HHAT: variants seen among roughly 807,000 people sequenced by gnomAD.
The protein encoded by HHAT is hedgehog acyltransferase.
Under a neutral mutation model 70.8 loss-of-function variants are expected in HHAT, and 47 were observed. The ratio of observed to expected loss-of-function variants is 0.66; its 90% CI spans 0.53 to 0.85. The LOEUF is 0.85. Among genes scored for constraint, HHAT ranks in the 40% least tolerant of loss-of-function variants. The pLI is 0.00. For synonymous variants in HHAT, 228 were observed against 247.6 expected (o/e 0.92, Z 0.74); for missense variants, 609 against 604.8 (o/e 1.01, Z -0.07).
chr1:210,581,260 T>C (rs1201883570), intron 9 of HHAT, among the ~76,000 whole-genome samples: 2 of 152,208 alleles, frequency 1.3e-5, no homozygotes, highest in African/African-American at 4.8e-5. Flanking sequence ...TGAAAACTTT[T>C]TATAAGTAGA....
chr1:210,399,776 A>G (rs576724279), intron 4 of HHAT, among the ~76,000 whole-genome samples: 1 of 152,338 alleles, frequency 6.6e-6, no homozygotes, highest in South Asian at 2.1e-4. Context: ...ATTCAATGTG[A>G]TAACTATAAA....
chr1:210,526,367 G>GTTTTGTTTTGTTTTGTTTTGTTT, intron 9 of HHAT, among the ~76,000 whole-genome samples: 1 of 142,336 alleles, frequency 7.0e-6, no homozygotes, highest in Admixed American at 7.1e-5. Context: ...AGTGGGTTCT[G>GTTTTGTTTTGTTTTGTTTTGTTT]TTTTTTTTTT....
chr1:210,503,145 A>T (rs1416939387), intron 8 of HHAT, among the ~76,000 whole-genome samples: 1 of 152,154 alleles, frequency 6.6e-6, no homozygotes, highest in African/African-American at 2.4e-5. Context: ...TTTTTGGTAG[A>T]GACAGGGTTT....
At chr1:210,378,086 TC>T (rs2090364745) in intron 3 of HHAT, among the ~76,000 whole-genome samples, 1 of 152,208 alleles carries the variant, frequency 6.6e-6, no homozygotes, top group African/African-American at 2.4e-5. Context: ...AGAAAACTCT[TC>T]CAATAATTGC....
At chr1:210,568,592 C>A (rs779437526) in intron 9 of HHAT, among the ~76,000 whole-genome samples, 2 of 152,140 alleles carry the variant, frequency 1.3e-5, no homozygotes, top group Non-Finnish European at 2.9e-5. Context: ...GGAACATACC[C>A]AAGCATAGGG....
intron 9 of HHAT, among the ~76,000 whole-genome samples, chr1:210,530,076 G>T (rs2095298460): frequency 6.6e-6 from 1 of 152,166 alleles, no homozygotes; most frequent in South Asian, 2.1e-4. Context: ...TGGTTGTGCT[G>T]CCAGTTCAAA....
chr1:210,372,959 A>G (rs1035246286), intron 3 of HHAT, among the ~76,000 whole-genome samples: 1 of 152,166 alleles, frequency 6.6e-6, no homozygotes, highest in Admixed American at 6.5e-5. Flanking sequence ...TTTCATTACT[A>G]AAATATTTAT....
In HHAT at chr1:210,444,678, C is replaced by G. The variant is rs573582455; in HGVS notation, c.857-19827C>G. 5.3e-5 allele frequency among the ~76,000 whole-genome samples: 8 copies of G among 152,190 alleles called. No individual in the cohort carries two copies. In the South Asian group the frequency reaches 1.7e-3, roughly 32 times the overall value. Reference sequence around the variant, plus strand: ...TCTGATGGTAGTTTGTATTTCTGCACACACACACATTTTTAAATAGAGACT... The same window carrying G: ...TCTGATGGTAGTTTGTATTTCTGCAGACACACACATTTTTAAATAGAGACT... On this transcript the variant is annotated intron_variant, in intron 7 of 11. Coordinates refer to ENST00000261458, the MANE Select transcript of HHAT (RefSeq NM_018194.6).
intron 9 of HHAT, among the ~76,000 whole-genome samples, chr1:210,583,947 A>ATTT (rs371722219): frequency 0.59 from 52,219 of 89,102 alleles, 16,360 homozygotes; most frequent in South Asian, 0.73. Flanking sequence ...AGTGCAGCTA[A>ATTT]TTTTTTTTTT....
chr1:210,627,888 T>C (rs1573849041), intron 11 of HHAT, among the ~76,000 whole-genome samples: 1 of 152,270 alleles, frequency 6.6e-6, no homozygotes, highest in Non-Finnish European at 1.5e-5. Context: ...CAAATGCTGT[T>C]CTAGGAGGAA....
intron 8 of HHAT, among the ~76,000 whole-genome samples, chr1:210,472,545 A>G (rs918405432): frequency 6.6e-6 from 1 of 152,178 alleles, no homozygotes; most frequent in Non-Finnish European, 1.5e-5. Context: ...GAGAATGACT[A>G]TGGCTTACAT....
At chr1:210,396,682 A>C (rs1302699519) in intron 4 of HHAT, among the ~76,000 whole-genome samples, 1 of 152,218 alleles carries the variant, frequency 6.6e-6, no homozygotes, top group Admixed American at 6.5e-5. Flanking sequence ...CCACATTGCA[A>C]ACAGCCTAGA....
chr1:210,582,725 A>G (rs1320890801), intron 9 of HHAT, among the ~76,000 whole-genome samples: 1 of 152,170 alleles, frequency 6.6e-6, no homozygotes, highest in African/African-American at 2.4e-5. Context: ...CTTCTGACAC[A>G]GGCAGACGTC....
At chr1:210,656,321 C>T (rs1371256333) in intron 11 of HHAT, among the ~76,000 whole-genome samples, 8 of 152,128 alleles carry the variant, frequency 5.3e-5, no homozygotes, top group East Asian at 1.9e-4. Context: ...GTCACTTGTA[C>T]GGCATGGCAC....
intron 9 of HHAT, among the ~76,000 whole-genome samples, chr1:210,550,282 G>A (rs184970396): frequency 6.7e-6 from 1 of 149,354 alleles, no homozygotes; most frequent in Non-Finnish European, 1.5e-5. Context: ...TAAGAGCCAT[G>A]GTTAGTTAAT....
chr1:210,376,929 T>C (rs2090270936), intron 3 of HHAT, among the ~76,000 whole-genome samples: 3 of 152,232 alleles, frequency 2.0e-5, no homozygotes, highest in Non-Finnish European at 4.4e-5. Flanking sequence ...CTTTCTTTAA[T>C]TGGCCTTCTG....
intron 6 of HHAT, among the ~76,000 whole-genome samples, chr1:210,415,925 C>T (rs1216432919): frequency 1.3e-5 from 2 of 152,066 alleles, no homozygotes; most frequent in Non-Finnish European, 2.9e-5. Context: ...TCCCAAGGTA[C>T]TGGGATTATA....
chr1:210,534,714 C>T (rs1342285160), intron 9 of HHAT, among the ~76,000 whole-genome samples: 1 of 152,138 alleles, frequency 6.6e-6, no homozygotes, highest in Non-Finnish European at 1.5e-5. Flanking sequence ...GGACAGTGGC[C>T]TGACACATGA....
chr1:210,378,508 C>T (rs1033103883), intron 3 of HHAT, among the ~76,000 whole-genome samples: 4 of 152,000 alleles, frequency 2.6e-5, no homozygotes, highest in African/African-American at 9.7e-5. Flanking sequence ...AAAATATAAA[C>T]TGGTTGGTAA....
Sources: allele counts gnomAD v4.1 joint callset (sites outside exome capture counted in the v4.1 genomes callset), GRCh38; gene constraint gnomAD v4.1.1; transcripts MANE v1.5; gene names NCBI Gene and HGNC (gene_info 2026-07-23, HGNC 2026-07-21).